PFKFB3: variants seen among roughly 807,000 people sequenced by gnomAD.
The protein encoded by PFKFB3 is 6-phosphofructo-2-kinase/fructose-2,6-biphosphatase 3, also known as 6-phosphofructo-2-kinase/fructose-2,6-bisphosphatase 3.
In PFKFB3, 33 loss-of-function variants were observed where a neutral mutation model predicts 68.0. That is an observed-to-expected ratio of 0.49 (90% CI 0.37 to 0.65). The LOEUF (loss-of-function observed/expected upper bound fraction) is 0.65, where lower values mean the gene tolerates loss of function less well. PFKFB3 is among the 30% of genes least tolerant of loss of function. The pLI is 0.00. For synonymous variants in PFKFB3, 315 were observed against 288.2 expected (o/e 1.09, Z -0.94); for missense variants, 586 against 712.2 (o/e 0.82, Z 2.02).
At chr10:6,294,374 C>T in the PFKFB3 span, 1 of 331,536 alleles carries the variant, frequency 3.0e-6, no homozygotes, top group African/African-American at 2.2e-5. Flanking sequence ...AGAGGCCTCA[C>T]AGTCATGGTG....
intron 14 of PFKFB3, among the ~76,000 whole-genome samples, chr10:6,230,145 G>A (rs188370921): frequency 2.0e-4 from 30 of 152,278 alleles, no homozygotes; most frequent in African/African-American, 5.1e-4. Context: ...ATAATAGTGC[G>A]TTTGCTAGAA....
downstream of PFKFB3, among the ~76,000 whole-genome samples, chr10:6,238,436 A>G (rs1458777998): frequency 7.1e-6 from 1 of 140,256 alleles, no homozygotes; most frequent in African/African-American, 2.7e-5. Context: ...AAGTGCCGGG[A>G]TTACAGGTGT....
Position 6,216,125 on chromosome 10 carries a change from G to A in PFKFB3, c.300G>A (p.Lys100=). ...PDNEEAMKVR[K]QCALAALRDV... ...TCGGGCAATGTCTTGTGCATTCCAG[G>A]CAATGTGCCTTAGCTGCCTTGAGAG... The change falls in exon 4 of 15, where the codon AAG becomes AAA. Residue 100 remains lysine, a splice_region_variant and synonymous_variant. Transcript: ENST00000379775. 1 of 1,614,026 alleles carries A rather than the reference G, an allele frequency of 6.2e-7. No individual in the cohort carries two copies. The highest frequency in any genetic ancestry group is 1.3e-5 in the African/African-American group (1 of 75,050).
intron 1 of PFKFB3, among the ~76,000 whole-genome samples, chr10:6,213,184 G>T (rs1266758649): frequency 6.6e-6 from 1 of 152,150 alleles, no homozygotes; most frequent in Non-Finnish European, 1.5e-5. Context: ...CACTAGGGTT[G>T]CCTGGTCCCA....
rs543380914 is a variant in PFKFB3, at chr10:6,206,917, A to T, written c.76+3581A>T. Among the ~76,000 whole-genome samples the T allele has an allele frequency of 1.4e-5, 2 of 139,412 alleles. 1 individual carries two copies. Among genetic ancestry groups the T allele is most frequent in the East Asian group, 4.9e-4 (2 of 4,076 alleles). 91.5% of individuals were successfully genotyped at this position (139,412 alleles called of 152,430 possible). ...AGAGGGGCTCCTCACATCCCAGACGATGGGCGGCCAGGCAGAGACACTCCT... is the reference window on the plus strand; with the variant it reads ...AGAGGGGCTCCTCACATCCCAGACGTTGGGCGGCCAGGCAGAGACACTCCT... On this transcript the variant is annotated intron_variant, in intron 1 of 14. Coordinates refer to ENST00000379775, the MANE Select transcript of PFKFB3 (RefSeq NM_004566.4).
chr10:6,226,661 A>G (rs1037847375), intron 14 of PFKFB3, among the ~76,000 whole-genome samples: 1 of 152,208 alleles, frequency 6.6e-6, no homozygotes, highest in Admixed American at 6.5e-5. Context: ...TACAGGGCAG[A>G]AGCAGGCAGT....
chr10:6,315,523 G>T, the PFKFB3 span, among the ~76,000 whole-genome samples: 1 of 152,202 alleles, frequency 6.6e-6, no homozygotes, highest in African/African-American at 2.4e-5. Flanking sequence ...GGTCTCTGTT[G>T]TCCAGGCTGG....
At chr10:6,216,462 C>T (rs998759558) in intron 4 of PFKFB3, among the ~76,000 whole-genome samples, 7 of 152,208 alleles carry the variant, frequency 4.6e-5, no homozygotes, top group African/African-American at 1.7e-4. Flanking sequence ...TTGCACATTA[C>T]TGTTTTGCTT....
downstream of PFKFB3, among the ~76,000 whole-genome samples, chr10:6,255,896 TG>T (rs1382257916): frequency 3.9e-5 from 6 of 152,132 alleles, no homozygotes; most frequent in Non-Finnish European, 5.9e-5. Flanking sequence ...AAGGGAGCGT[TG>T]GCGGGGTGGG....
intron 1 of PFKFB3, among the ~76,000 whole-genome samples, chr10:6,151,043 C>T (rs745311390): frequency 8.8e-4 from 134 of 152,194 alleles, no homozygotes; most frequent in Middle Eastern, 3.4e-3. Flanking sequence ...TCATTCATGA[C>T]GGCAGGGGAA....
chr10:6,205,135 T>C (rs1056828701), intron 1 of PFKFB3, among the ~76,000 whole-genome samples: 13 of 152,216 alleles, frequency 8.5e-5, no homozygotes, highest in Non-Finnish European at 1.9e-4. Flanking sequence ...AATTCTTTTG[T>C]CCCGCCTACT....
the PFKFB3 span, among the ~76,000 whole-genome samples, chr10:6,304,517 G>A: frequency 2.0e-5 from 3 of 149,504 alleles, no homozygotes; most frequent in Non-Finnish European, 3.0e-5. Flanking sequence ...TAGCCATCAC[G>A]CCTGGCTAAT....
At chr10:6,145,585 C>T (rs766052418) in intron 1 of PFKFB3, among the ~76,000 whole-genome samples, 296 of 152,302 alleles carry the variant, frequency 1.9e-3, no homozygotes, top group Non-Finnish European at 3.5e-3. Context: ...CAGCGCGGCG[C>T]GGGAGGTGGG....
At chr10:6,183,929 A>G (rs2131799876) in intron 1 of PFKFB3, among the ~76,000 whole-genome samples, 1 of 150,894 alleles carries the variant, frequency 6.6e-6, no homozygotes, top group Middle Eastern at 3.5e-3. Context: ...TGACCTCGTG[A>G]TCCACCCGCC....
intron 1 of PFKFB3, among the ~76,000 whole-genome samples, chr10:6,205,115 C>G (rs1272931968): frequency 1.3e-5 from 2 of 152,184 alleles, no homozygotes; most frequent in African/African-American, 2.4e-5. Context: ...TTGGCTAAAG[C>G]CAATGGATTA....
chr10:6,306,085 C>T, the PFKFB3 span, among the ~76,000 whole-genome samples: 12 of 152,182 alleles, frequency 7.9e-5, no homozygotes, highest in Non-Finnish European at 1.0e-4. Context: ...AGCAGAGGCT[C>T]TTCACAGGTG....
the PFKFB3 span, among the ~76,000 whole-genome samples, chr10:6,303,094 T>G: frequency 6.6e-6 from 1 of 152,222 alleles, no homozygotes; most frequent in Non-Finnish European, 1.5e-5. Context: ...AATATTTGTT[T>G]GTCAGCAACT....
chr10:6,254,939 TC>T (rs1846471969), downstream of PFKFB3, among the ~76,000 whole-genome samples: 1 of 144,642 alleles, frequency 6.9e-6, no homozygotes, highest in African/African-American at 2.5e-5. Context: ...TGCCTCAGCC[TC>T]CCGCGTAGCT....
At chr10:6,288,833 G>A in the PFKFB3 span, among the ~76,000 whole-genome samples, 1 of 152,090 alleles carries the variant, frequency 6.6e-6, no homozygotes, top group East Asian at 1.9e-4. Flanking sequence ...GTGTAAAAGT[G>A]TTCCTATTTC....
Sources: gnomAD v4.1 joint callset for allele counts (sites outside exome capture counted in the v4.1 genomes callset) on GRCh38, gnomAD v4.1.1 for gene constraint, MANE v1.5 for transcripts, NCBI Gene and HGNC (gene_info 2026-07-23, HGNC 2026-07-21) for gene names.